NYAP2: variants seen among roughly 807,000 people sequenced by gnomAD.
NYAP2 encodes the protein neuronal tyrosine-phosphorylated phosphoinositide-3-kinase adapter 2.
Under a neutral mutation model 50.4 loss-of-function variants are expected in NYAP2, and 23 were observed. The ratio of observed to expected loss-of-function variants is 0.46; its 90% CI spans 0.33 to 0.65. The LOEUF is 0.65. NYAP2 is among the 30% of genes least tolerant of loss of function. The probability of loss-of-function intolerance (pLI) is 0.02; values close to 1 mark genes in which losing one functional copy is unlikely to be tolerated. For synonymous variants in NYAP2, 394 were observed against 365.2 expected (o/e 1.08, Z -0.90); for missense variants, 885 against 861.0 (o/e 1.03, Z -0.35).
chr2:225,657,447 T>C (rs1289476135), downstream of NYAP2, among the ~76,000 whole-genome samples: 1 of 151,696 alleles, frequency 6.6e-6, no homozygotes, highest in Non-Finnish European at 1.5e-5. Flanking sequence ...CCACCCCAAC[T>C]CTGAATAACC....
chr2:225,602,262 T>C (rs2106242392), intron 5 of NYAP2, among the ~76,000 whole-genome samples: 1 of 152,308 alleles, frequency 6.6e-6, no homozygotes, highest in East Asian at 1.9e-4. Flanking sequence ...ATTTACCCTA[T>C]GTAAATGAAG....
At chr2:225,574,384 AG>A (rs1288236676) in intron 4 of NYAP2, among the ~76,000 whole-genome samples, 1 of 152,158 alleles carries the variant, frequency 6.6e-6, no homozygotes, top group Non-Finnish European at 1.5e-5. Flanking sequence ...CCCTACTCTG[AG>A]GGCAAAAAAG....
chr2:225,601,169 G>GGA (rs1692684185), intron 5 of NYAP2, among the ~76,000 whole-genome samples: 1 of 148,746 alleles, frequency 6.7e-6, no homozygotes, highest in African/African-American at 2.5e-5. Context: ...TCCCCAGGCT[G>GGA]GAGAGCAGTG....
intron 6 of NYAP2, among the ~76,000 whole-genome samples, chr2:225,630,945 T>C (rs868667543): frequency 1.3e-5 from 2 of 152,306 alleles, no homozygotes; most frequent in Non-Finnish European, 1.5e-5. Flanking sequence ...GAGAAACCAG[T>C]AGATTGTTCA....
chr2:225,491,422 T>C (rs1367218259), intron 3 of NYAP2, among the ~76,000 whole-genome samples: 1 of 152,178 alleles, frequency 6.6e-6, no homozygotes, highest in African/African-American at 2.4e-5. Flanking sequence ...AATACTATCA[T>C]CTCACCCTAC....
downstream of NYAP2, among the ~76,000 whole-genome samples, chr2:225,657,226 C>T (rs1283843376): frequency 1.3e-5 from 2 of 150,480 alleles, no homozygotes. Context: ...TCTCCTGCCT[C>T]AGACTCCTGT....
intron 4 of NYAP2, among the ~76,000 whole-genome samples, chr2:225,553,275 C>T (rs1324637444): frequency 2.0e-5 from 3 of 152,214 alleles, no homozygotes; most frequent in Non-Finnish European, 4.4e-5. Flanking sequence ...CAGGAAGAAA[C>T]AAGTTCCCCC....
chr2:225,492,621 A>T (rs1490427978), intron 3 of NYAP2, among the ~76,000 whole-genome samples: 1 of 152,244 alleles, frequency 6.6e-6, no homozygotes, highest in Non-Finnish European at 1.5e-5. Context: ...ATTGGCTCAC[A>T]GTTCTGCAGA....
chr2:225,575,856 G>A (rs1288833921), intron 4 of NYAP2, among the ~76,000 whole-genome samples: 9 of 152,200 alleles, frequency 5.9e-5, no homozygotes, highest in Non-Finnish European at 7.3e-5. Context: ...TAAGAAATGT[G>A]TGTGGCTTAG....
At chr2:225,650,148 G>A (rs1225378936) in intron 6 of NYAP2, among the ~76,000 whole-genome samples, 1 of 152,186 alleles carries the variant, frequency 6.6e-6, no homozygotes, top group Non-Finnish European at 1.5e-5. Context: ...CTGTGTGTCT[G>A]CATGTTGTGT....
intron 6 of NYAP2, among the ~76,000 whole-genome samples, chr2:225,638,726 TTCCCAGCCAGAGGG>T (rs1693471901): frequency 6.6e-6 from 1 of 152,154 alleles, no homozygotes. Flanking sequence ...TCAAACACCT[TTCCCAGCCAGAGGG>T]TGAGAGACAC....
At chr2:225,595,293 G>A (rs1692577362) in intron 5 of NYAP2, among the ~76,000 whole-genome samples, 1 of 152,138 alleles carries the variant, frequency 6.6e-6, no homozygotes, top group African/African-American at 2.4e-5. Flanking sequence ...AGTGCTATGG[G>A]TGGATAATTC....
chr2:225,622,558 T>TTTCTTTC (rs1693132946), intron 5 of NYAP2, among the ~76,000 whole-genome samples: 1 of 21,176 alleles, frequency 4.7e-5, no homozygotes, highest in African/African-American at 2.6e-4. Flanking sequence ...TCTTTCTTTC[T>TTTCTTTC]TTTTCTTTCT....
At chr2:225,687,555 T>C in the NYAP2 span, among the ~76,000 whole-genome samples, 1 of 152,196 alleles carries the variant, frequency 6.6e-6, no homozygotes, top group Admixed American at 6.5e-5. Context: ...ACATATATTC[T>C]TTAAGACACT....
chr2:225,662,470 G>C, the NYAP2 span, among the ~76,000 whole-genome samples: 1 of 152,212 alleles, frequency 6.6e-6, no homozygotes, highest in Non-Finnish European at 1.5e-5. Context: ...AGACCAAGAC[G>C]TATTCACCAA....
At chr2:225,661,655 G>T in the NYAP2 span, among the ~76,000 whole-genome samples, 1 of 151,860 alleles carries the variant, frequency 6.6e-6, no homozygotes, top group Non-Finnish European at 1.5e-5. Flanking sequence ...AAACCAGGTA[G>T]TTCTATCTAT....
At chr2:225,477,231 CTTTTTTTTTTTTTT>C (rs11378712) in intron 3 of NYAP2, among the ~76,000 whole-genome samples, 2 of 87,470 alleles carry the variant, frequency 2.3e-5, no homozygotes, top group African/African-American at 9.3e-5. Flanking sequence ...GTCTCTATTT[CTTTTTTTTTTTTTT>C]TTTTTTTTTG....
At chr2:225,418,081 A>T (rs922488611) in intron 3 of NYAP2, among the ~76,000 whole-genome samples, 2 of 152,116 alleles carry the variant, frequency 1.3e-5, no homozygotes, top group Non-Finnish European at 1.5e-5. Context: ...TCAGGGAAAG[A>T]CTCACTGAGG....
At chr2:225,552,639 AC>A (rs1691698779) in intron 4 of NYAP2, among the ~76,000 whole-genome samples, 1 of 152,174 alleles carries the variant, frequency 6.6e-6, no homozygotes, top group South Asian at 2.1e-4. Flanking sequence ...CCATGCTGGA[AC>A]CCTGATTTCA....
Sources: gnomAD v4.1 joint callset for allele counts (sites outside exome capture counted in the v4.1 genomes callset) on GRCh38, gnomAD v4.1.1 for gene constraint, MANE v1.5 for transcripts, NCBI Gene and HGNC (gene_info 2026-07-23, HGNC 2026-07-21) for gene names.